CDK14: variants seen among roughly 807,000 people sequenced by gnomAD.
CDK14 encodes the protein cyclin-dependent kinase 14.
A neutral mutation model predicts 60.7 loss-of-function variants in CDK14; 34 were observed. The ratio of observed to expected loss-of-function variants is 0.56; its 90% CI spans 0.43 to 0.75. The LOEUF is 0.75. CDK14 is among the 30% of genes least tolerant of loss of function. The pLI is 0.00. For missense variants in CDK14, 482 were observed against 564.1 expected, an observed-to-expected ratio of 0.85 and a Z score of 1.47; for synonymous variants, 197 against 203.7, an observed-to-expected ratio of 0.97 and a Z score of 0.28.
At chr7:91,004,933 G>A (rs1208690421) in intron 10 of CDK14, among the ~76,000 whole-genome samples, 1 of 152,208 alleles carries the variant, frequency 6.6e-6, no homozygotes, top group East Asian at 1.9e-4. Flanking sequence ...CCCTGAGGCT[G>A]AGGGAGAGAA....
At chr7:90,921,978 G>T (rs149973148) in intron 8 of CDK14, among the ~76,000 whole-genome samples, 2 of 152,278 alleles carry the variant, frequency 1.3e-5, no homozygotes, top group African/African-American at 4.8e-5. Flanking sequence ...CTTGTCATAT[G>T]CTTCTCTGAA....
At chr7:91,150,206 C>A (rs1800791462) in intron 14 of CDK14, among the ~76,000 whole-genome samples, 1 of 152,170 alleles carries the variant, frequency 6.6e-6, no homozygotes, top group Non-Finnish European at 1.5e-5. Flanking sequence ...TTCAATGGTG[C>A]ATTTAACCCT....
chr7:90,758,937 TC>T (rs1804198577), intron 4 of CDK14, among the ~76,000 whole-genome samples: 1 of 151,232 alleles, frequency 6.6e-6, no homozygotes, highest in Admixed American at 6.6e-5. Context: ...GCACTTACAA[TC>T]CCAGCTACTC....
chr7:91,121,709 A>C (rs144466104), intron 14 of CDK14, among the ~76,000 whole-genome samples: 2,103 of 152,326 alleles, frequency 0.014, 21 homozygotes, highest in Non-Finnish European at 0.017. Context: ...TGGATTATCA[A>C]AATACTGTGC....
At chr7:90,802,303 A>C (rs555315863) in intron 5 of CDK14, among the ~76,000 whole-genome samples, 43 of 152,284 alleles carry the variant, frequency 2.8e-4, no homozygotes, top group African/African-American at 9.4e-4. Context: ...AAGACTCAAA[A>C]ATTCTTTGCT....
chr7:90,953,200 CTG>C (rs66503555), intron 8 of CDK14, among the ~76,000 whole-genome samples: 34 of 151,738 alleles, frequency 2.2e-4, no homozygotes, highest in African/African-American at 8.0e-4. Flanking sequence ...TTTTAATTGA[CTG>C]TGTTCAAATG....
At chr7:90,709,436 AC>A in intron 2 of CDK14, 1 of 1,486,880 alleles carries the variant, frequency 6.7e-7, no homozygotes, top group South Asian at 1.4e-5. Flanking sequence ...CTATGCAATC[AC>A]CATTAGCTGT....
intron 10 of CDK14, among the ~76,000 whole-genome samples, chr7:91,021,360 G>C (rs1157040347): frequency 6.6e-6 from 1 of 152,206 alleles, no homozygotes; most frequent in Non-Finnish European, 1.5e-5. Flanking sequence ...TGATAGGATG[G>C]CTTTGAGGAT....
At chr7:90,799,188 T>A (rs940361942) in intron 5 of CDK14, among the ~76,000 whole-genome samples, 1 of 152,166 alleles carries the variant, frequency 6.6e-6, no homozygotes, top group African/African-American at 2.4e-5. Context: ...ATCTAGATAC[T>A]CTAATAGGGA....
At chr7:90,778,846 A>ATCTTCCTT (rs1554335028) in intron 4 of CDK14, among the ~76,000 whole-genome samples, 2 of 127,864 alleles carry the variant, frequency 1.6e-5, no homozygotes, top group Admixed American at 8.2e-5. Flanking sequence ...AAATTGACCG[A>ATCTTCCTT]CCTTCCTTCC....
intron 2 of CDK14, among the ~76,000 whole-genome samples, chr7:90,638,138 T>C (rs1800205282): frequency 6.6e-6 from 1 of 152,040 alleles, no homozygotes; most frequent in South Asian, 2.1e-4. Context: ...ACATTTAAAG[T>C]TAATATTGTT....
chr7:90,618,775 A>G (rs528936845), intron 2 of CDK14, among the ~76,000 whole-genome samples: 1 of 152,308 alleles, frequency 6.6e-6, no homozygotes, highest in South Asian at 2.1e-4. Context: ...TGTTTGATGT[A>G]CTTTATCTTT....
At chr7:90,665,876 A>C (rs1393446217) in intron 2 of CDK14, among the ~76,000 whole-genome samples, 3 of 152,194 alleles carry the variant, frequency 2.0e-5, no homozygotes, top group Non-Finnish European at 4.4e-5. Flanking sequence ...TGATATAGAC[A>C]CAGGACTTAT....
intron 3 of CDK14, among the ~76,000 whole-genome samples, chr7:90,735,588 G>A (rs1486035274): frequency 6.6e-6 from 1 of 152,222 alleles, no homozygotes; most frequent in South Asian, 2.1e-4. Flanking sequence ...AGTGGGCTCT[G>A]CCCATTTCAA....
At chr7:90,691,870 C>G (rs900736616) in intron 2 of CDK14, among the ~76,000 whole-genome samples, 1 of 152,102 alleles carries the variant, frequency 6.6e-6, no homozygotes, top group African/African-American at 2.4e-5. Context: ...GTTATCAAGG[C>G]ATTGAGTCTG....
At chr7:91,034,366 C>CT (rs1029366911) in intron 10 of CDK14, among the ~76,000 whole-genome samples, 6 of 151,052 alleles carry the variant, frequency 4.0e-5, no homozygotes, top group East Asian at 1.9e-4. Flanking sequence ...TTTTCTTTTT[C>CT]TTTTTTTTTA....
intron 14 of CDK14, among the ~76,000 whole-genome samples, chr7:91,184,104 T>C (rs141772581): frequency 0.023 from 3,379 of 148,490 alleles, 123 homozygotes; most frequent in African/African-American, 0.079. Context: ...ACTTGGAAGA[T>C]TGAGGCAGGA....
At chr7:90,791,400 C>T (rs1208849597) in intron 5 of CDK14, among the ~76,000 whole-genome samples, 1 of 152,030 alleles carries the variant, frequency 6.6e-6, no homozygotes, top group Non-Finnish European at 1.5e-5. Context: ...TGCAGATTAT[C>T]TTGACATAAG....
chr7:90,805,278 T>C (rs868301661), intron 5 of CDK14, among the ~76,000 whole-genome samples: 2 of 152,082 alleles, frequency 1.3e-5, no homozygotes, highest in Non-Finnish European at 2.9e-5. Context: ...AAAGTTCAGT[T>C]TGACATCTCA....
Sources: gnomAD v4.1 joint callset for allele counts (sites outside exome capture counted in the v4.1 genomes callset) on GRCh38, gnomAD v4.1.1 for gene constraint, MANE v1.5 for transcripts, NCBI Gene and HGNC (gene_info 2026-07-23, HGNC 2026-07-21) for gene names.